Variants in JMJD1C observed in about 807,000 individuals in gnomAD.
JMJD1C encodes the protein jumonji domain containing 1C, also known as jumonji domain-containing protein 1C.
Under a neutral mutation model 245.3 loss-of-function variants are expected in JMJD1C, and 31 were observed. That is an observed-to-expected ratio of 0.13 (90% CI 0.09 to 0.17). JMJD1C has a LOEUF of 0.17. JMJD1C is among the 10% of genes least tolerant of loss of function. JMJD1C has a pLI of 1.00. For synonymous variants in JMJD1C, 1,057 were observed against 1,017.4 expected (o/e 1.04, Z -0.74); for missense variants, 2,691 against 3,000.2 (o/e 0.90, Z 2.41).
chr10:63,243,311 G>A (rs935249483), intron 3 of JMJD1C, among the ~76,000 whole-genome samples: 1 of 150,480 alleles, frequency 6.6e-6, no homozygotes, highest in African/African-American at 2.4e-5. Context: ...AGTATCACCT[G>A]AGGTCGGGAG....
chr10:63,304,486 A>G (rs1360420846), intron 2 of JMJD1C, among the ~76,000 whole-genome samples: 1 of 152,218 alleles, frequency 6.6e-6, no homozygotes, highest in Non-Finnish European at 1.5e-5. Context: ...AAAGGACTTA[A>G]AAAGAAATAA....
intron 2 of JMJD1C, among the ~76,000 whole-genome samples, chr10:63,342,067 C>T (rs1347978310): frequency 6.6e-6 from 1 of 152,174 alleles, no homozygotes; most frequent in Non-Finnish European, 1.5e-5. Context: ...AGTTTCCAAC[C>T]TTCTTACATA....
intron 17 of JMJD1C, 36 bp downstream of exon 17, chr10:63,190,858 G>T (rs768689198): frequency 1.3e-6 from 2 of 1,528,010 alleles, no homozygotes; most frequent in South Asian, 2.2e-5. Context: ...CTCTATTTAA[G>T]GCCCACATTA....
At position 63,193,011 on chromosome 10, in the gene JMJD1C, A is replaced by G. The variant is rs536690188; in HGVS notation, c.6003T>C (p.Thr2001=). 2.5e-6 allele frequency: 4 copies of G among 1,613,994 alleles called. No homozygotes were observed. The Admixed American group carries it at 5.0e-5, about 20-fold the overall frequency. ...GCAGTGGTGACTGGGATTCTGGAGG[A>G]GTTAACTTGTTATCTGTGCCTACAT... ...ESDVGTDNKL[T]PPESQSPLHW... Residue 2001 remains threonine, a synonymous_variant, in exon 16 of 26, where the codon ACT becomes ACC. Coordinates refer to ENST00000399262, the MANE Select transcript of JMJD1C (RefSeq NM_032776.3).
chr10:63,229,501 C>G (rs1377379437), intron 3 of JMJD1C, among the ~76,000 whole-genome samples: 1 of 152,032 alleles, frequency 6.6e-6, no homozygotes, highest in African/African-American at 2.4e-5. Flanking sequence ...TTTTCTCATT[C>G]ATACAATCAA....
At chr10:63,432,031 A>T (rs564154372) in intron 1 of JMJD1C, among the ~76,000 whole-genome samples, 1 of 151,914 alleles carries the variant, frequency 6.6e-6, no homozygotes, top group Admixed American at 6.5e-5. Flanking sequence ...GAAAAAGAAA[A>T]CTCACTTTTG....
At chr10:63,340,390 A>G (rs1056533528) in intron 2 of JMJD1C, among the ~76,000 whole-genome samples, 1 of 152,328 alleles carries the variant, frequency 6.6e-6, no homozygotes, top group East Asian at 1.9e-4. Flanking sequence ...GCCAAGACCT[A>G]TGTGCATTGC....
intron 22 of JMJD1C, among the ~76,000 whole-genome samples, chr10:63,179,321 A>C (rs1843195087): frequency 6.6e-6 from 1 of 152,048 alleles, no homozygotes; most frequent in African/African-American, 2.4e-5. Context: ...AGGAAGGAGA[A>C]TCGCTTGAAC....
Position 63,208,455 on chromosome 10 carries a change from G to T in JMJD1C, c.3214C>A (p.Arg1072Ser), listed in dbSNP as rs566751308. The part of the protein sequence containing the change: ...HIIKQDMDVE[R>S]SVSDLYKMKH... ...ATTTTATAAAGATCTGATACTGAGC[G>T]TTCTACATCCATATCTTGTTTGATG... is the stretch of plus-strand genomic sequence containing the variant. Residue 1072 changes from arginine (R) to serine (S), a missense_variant, in exon 10 of 26, where the codon CGC (arginine) becomes AGC (serine). Arg to Ser is a moderately radical substitution (Grantham distance 110). This residue lies in a region of JMJD1C where 1,562 missense variants were observed against 1,490.7 expected (regional missense o/e 1.05). Transcript: ENST00000399262. 2 of 1,613,888 alleles carry T rather than the reference G, an allele frequency of 1.2e-6. No individual in the cohort carries two copies. Among genetic ancestry groups the T allele is most frequent in the East Asian group, 2.2e-5 (1 of 44,872 alleles).
intron 18 of JMJD1C, 50 bp from the exon 19 acceptor site, chr10:63,186,433 TTTTGTTTGTTTG>T: frequency 1.4e-6 from 2 of 1,431,404 alleles, no homozygotes; most frequent in South Asian, 1.3e-5. Context: ...AGACTTTCTT[TTTTGTTTGTTTG>T]TTTGTTTGTT....
chr10:63,182,551 G>C (rs1036644389), intron 22 of JMJD1C, among the ~76,000 whole-genome samples: 1 of 152,086 alleles, frequency 6.6e-6, no homozygotes, highest in Non-Finnish European at 1.5e-5. Flanking sequence ...GCTTTCTTTC[G>C]AGAAAGAAAA....
At chr10:63,171,190 A>C (rs1842318204) in intron 24 of JMJD1C, among the ~76,000 whole-genome samples, 1 of 152,052 alleles carries the variant, frequency 6.6e-6, no homozygotes, top group Admixed American at 6.5e-5. Context: ...TAAAAAAAAA[A>C]CAACTGTTGC....
intron 10 of JMJD1C, 98 bp downstream of exon 10, chr10:63,206,497 A>G: frequency 1.1e-6 from 1 of 871,608 alleles, no homozygotes. Flanking sequence ...ATGAAGACAA[A>G]GGATGCCTTT....
intron 1 of JMJD1C, chr10:63,427,465 A>AC (rs1384239756): frequency 8.4e-7 from 1 of 1,193,880 alleles, no homozygotes; most frequent in Non-Finnish European, 1.2e-6. Context: ...GCAACTCCTG[A>AC]CCAAGACCAA....
chr10:63,258,715 T>C, intron 3 of JMJD1C, among the ~76,000 whole-genome samples: 1 of 152,356 alleles, frequency 6.6e-6, no homozygotes, highest in East Asian at 1.9e-4. Context: ...CGGAAGTTTT[T>C]ACTTCAGGCT....
At position 63,231,676 on chromosome 10, in the gene JMJD1C, C is replaced by T. The variant is rs568942689; in HGVS notation, c.448-11693G>A. Among the ~76,000 whole-genome samples, 3 of 152,216 alleles carry T rather than the reference C, an allele frequency of 2.0e-5. No homozygotes were observed. The South Asian group carries it at 6.2e-4, about 32-fold the overall frequency. ...GAACATGGTGGCACACACCTGTAAT[C>T]CTAGCTACTCAGGAGGCTGAGACAG... On this transcript the variant is annotated intron_variant, in intron 3 of 25. Coordinates refer to ENST00000399262, the MANE Select transcript of JMJD1C (RefSeq NM_032776.3).
At chr10:63,465,246 T>G (rs550638708) in intron 1 of JMJD1C, 75 of 434,606 alleles carry the variant, frequency 1.7e-4, no homozygotes, top group African/African-American at 1.4e-3. Flanking sequence ...CCCTCCGGGA[T>G]GGGGGCCAGG....
At chr10:63,521,876 G>A (rs1486535972), upstream of JMJD1C, 1 of 162,404 alleles carries the variant, frequency 6.2e-6, no homozygotes, top group South Asian at 1.8e-4. Flanking sequence ...GGCGGCGCTG[G>A]GTGGGCAGGC....
intron 19 of JMJD1C, 133 bp downstream of exon 19, chr10:63,186,082 C>G: frequency 1.4e-6 from 1 of 714,264 alleles, no homozygotes; most frequent in Non-Finnish European, 2.3e-6. Flanking sequence ...ATTTTGTTTC[C>G]AATTACTTGT....
Sources: gnomAD v4.1 joint callset for allele counts (sites outside exome capture counted in the v4.1 genomes callset) on GRCh38, gnomAD v4.1.1 for gene constraint, gnomAD v4.1.1 regional missense constraint, MANE v1.5 for transcripts, NCBI Gene and HGNC (gene_info 2026-07-23, HGNC 2026-07-21) for gene names.